The following DPP6 variants were observed in gnomAD, a reference collection of about 807,000 sequenced individuals.
DPP6 encodes dipeptidyl peptidase like 6.
In DPP6, 69 loss-of-function variants were observed where a neutral mutation model predicts 122.6. That is an observed-to-expected ratio of 0.56 (90% CI 0.46 to 0.69). DPP6 has a LOEUF of 0.69. Ranked by LOEUF, DPP6 falls within the 30% of genes least tolerant of loss-of-function variation. DPP6 has a pLI of 0.00. For missense variants in DPP6, 928 were observed against 1,116.9 expected (o/e 0.83, Z 2.41); for synonymous variants, 418 against 433.1 (o/e 0.97, Z 0.43).
At chr7:153,839,098 G>A in the DPP6 span, among the ~76,000 whole-genome samples, 1 of 149,936 alleles carries the variant, frequency 6.7e-6, no homozygotes, top group African/African-American at 2.5e-5. Context: ...GCTGCTCAGA[G>A]GACCACACTG....
At chr7:154,563,429 G>A (rs1830551448) in intron 4 of DPP6, among the ~76,000 whole-genome samples, 1 of 152,208 alleles carries the variant, frequency 6.6e-6, no homozygotes, top group South Asian at 2.1e-4. Flanking sequence ...CCAGGGGAGC[G>A]ATGTGATTTA....
intron 3 of DPP6, among the ~76,000 whole-genome samples, chr7:154,484,040 C>T (rs1211258169): frequency 2.0e-5 from 3 of 152,166 alleles, no homozygotes; most frequent in Non-Finnish European, 4.4e-5. Context: ...GTCAAGGTTA[C>T]TTACACTTAC....
intron 16 of DPP6, among the ~76,000 whole-genome samples, chr7:154,851,445 G>A (rs548837379): frequency 6.6e-6 from 1 of 152,348 alleles, no homozygotes; most frequent in East Asian, 1.9e-4. Flanking sequence ...GAAATGTGCA[G>A]AGAAAATACT....
chr7:154,700,764 GA>G, intron 7 of DPP6, among the ~76,000 whole-genome samples: 2 of 147,718 alleles, frequency 1.4e-5, no homozygotes, highest in African/African-American at 5.0e-5. Context: ...AGGTAAATGA[GA>G]TTCTCAATGA....
chr7:153,964,110 C>G (rs1318673446), intron 1 of DPP6, among the ~76,000 whole-genome samples: 2 of 152,184 alleles, frequency 1.3e-5, no homozygotes, highest in South Asian at 4.1e-4. Context: ...ATTCTCCTGC[C>G]TCAGCCTCCT....
chr7:153,810,873 T>C, the DPP6 span, among the ~76,000 whole-genome samples: 23 of 152,176 alleles, frequency 1.5e-4, no homozygotes, highest in East Asian at 2.5e-3. Flanking sequence ...TCCCATAGCC[T>C]CAGAACAAAT....
chr7:154,575,481 G>A (rs1831572360), intron 5 of DPP6, among the ~76,000 whole-genome samples: 1 of 139,776 alleles, frequency 7.2e-6, no homozygotes, highest in African/African-American at 2.6e-5. Flanking sequence ...TGTGTGGTGT[G>A]TGTGTGGTGT....
chr7:154,158,722 C>T (rs900454657), intron 1 of DPP6, among the ~76,000 whole-genome samples: 1 of 151,998 alleles, frequency 6.6e-6, no homozygotes, highest in African/African-American at 2.4e-5. Flanking sequence ...AGCTTGTCCA[C>T]TAGCAGGTGT....
the DPP6 span, among the ~76,000 whole-genome samples, chr7:153,757,527 G>A: frequency 6.6e-6 from 1 of 152,156 alleles, no homozygotes; most frequent in Non-Finnish European, 1.5e-5. Context: ...CTTAGCATTG[G>A]TTGAGTGGGG....
At position 154,483,146 on chromosome 7, in the gene DPP6, C is replaced by T. The variant is rs1235323059; in HGVS notation, c.457+8109C>T. ...GTCTGAGGAAGTGTGGTCAGGGAGGCAGGAGGAGAACTTCTACCACGCCAC... is the reference window on the plus strand; with the variant it reads ...GTCTGAGGAAGTGTGGTCAGGGAGGTAGGAGGAGAACTTCTACCACGCCAC... On this transcript the variant is annotated intron_variant, in intron 3 of 25. Coordinates refer to ENST00000377770, the MANE Select transcript of DPP6 (RefSeq NM_130797.4). The surrounding 1 kb of genome is among the most constrained non-coding windows in gnomAD (Gnocchi z 8.1). Among the ~76,000 whole-genome samples, 1 of 151,854 alleles carries T rather than the reference C, an allele frequency of 6.6e-6. No homozygotes were observed. The highest frequency in any genetic ancestry group is 1.5e-5 in the Non-Finnish European group (1 of 67,958).
intron 10 of DPP6, among the ~76,000 whole-genome samples, chr7:154,777,145 G>A (rs1796626006): frequency 6.6e-6 from 1 of 152,182 alleles, no homozygotes; most frequent in African/African-American, 2.4e-5. Context: ...TGCTGTGTGA[G>A]GCCCTTGGGT....
chr7:154,561,671 A>G (rs996248518), intron 4 of DPP6, among the ~76,000 whole-genome samples: 7 of 152,212 alleles, frequency 4.6e-5, no homozygotes, highest in African/African-American at 1.7e-4. Context: ...TAAAACCCCA[A>G]GTACACAGAA....
chr7:154,728,361 C>T (rs2131367801), intron 8 of DPP6, among the ~76,000 whole-genome samples: 1 of 152,348 alleles, frequency 6.6e-6, no homozygotes, highest in South Asian at 2.1e-4. Flanking sequence ...TGACTTGCTG[C>T]TGAGAGCGCC....
chr7:153,910,712 T>A (rs1800052197), intron 1 of DPP6, among the ~76,000 whole-genome samples: 1 of 152,216 alleles, frequency 6.6e-6, no homozygotes, highest in Admixed American at 6.5e-5. Flanking sequence ...CCTTTCTCCC[T>A]GGGCTTCCTG....
rs116091493 is a variant in DPP6 at position 154,720,547 on chromosome 7, G to A, written c.763-7220G>A. 5.3e-3 allele frequency among the ~76,000 whole-genome samples: 812 copies of A among 152,186 alleles called. 11 individuals carry two copies. Among genetic ancestry groups the A allele is most frequent in the African/African-American group, 0.019 (779 of 41,536 alleles). On this transcript the variant is annotated intron_variant, in intron 7 of 25. Transcript: ENST00000377770. ...CAGGATGGCAGAGAGCACATGCCCCGCTCCAGCATGTCAGAGAGCACATGC... is the reference window on the plus strand; with the variant it reads ...CAGGATGGCAGAGAGCACATGCCCCACTCCAGCATGTCAGAGAGCACATGC...
intron 21 of DPP6, chr7:154,884,608 T>TAC: frequency 8.5e-6 from 1 of 118,336 alleles, no homozygotes; most frequent in East Asian, 3.2e-4. Flanking sequence ...CATACACGAT[T>TAC]ACATACACAT....
At chr7:154,298,414 G>A (rs12113342) in intron 1 of DPP6, among the ~76,000 whole-genome samples, 14,844 of 152,134 alleles carry the variant, frequency 0.098, 1,045 homozygotes, top group East Asian at 0.2. Flanking sequence ...ACAAGAGAAG[G>A]GACATGGAAG....
At chr7:154,051,770 G>A (rs1191132232), upstream of DPP6, among the ~76,000 whole-genome samples, 40 of 150,844 alleles carry the variant, frequency 2.7e-4, no homozygotes, top group African/African-American at 9.5e-4. Context: ...GGCGTCCTCT[G>A]CCGCCCCGCG....
At chr7:153,858,183 T>C in the DPP6 span, among the ~76,000 whole-genome samples, 1 of 152,236 alleles carries the variant, frequency 6.6e-6, no homozygotes, top group African/African-American at 2.4e-5. Context: ...TTTGCAGTCA[T>C]TTGAAAGTGG....
Sources: gnomAD v4.1 joint callset for allele counts (sites outside exome capture counted in the v4.1 genomes callset) on GRCh38, gnomAD v4.1.1 for gene constraint, Gnocchi (gnomAD v3.1) non-coding constraint, MANE v1.5 for transcripts, NCBI Gene and HGNC (gene_info 2026-07-23, HGNC 2026-07-21) for gene names.